Variants in TANC2 observed in about 807,000 individuals in gnomAD.
The protein encoded by TANC2 is tetratricopeptide repeat, ankyrin repeat and coiled-coil containing 2.
In TANC2, 26 loss-of-function variants were observed where a neutral mutation model predicts 210.5. That is an observed-to-expected ratio of 0.12 (90% CI 0.09 to 0.17). The LOEUF (loss-of-function observed/expected upper bound fraction) is 0.17. Among genes scored for constraint, TANC2 ranks in the 10% least tolerant of loss-of-function variants. The pLI is 1.00. For synonymous variants in TANC2, 931 were observed against 967.1 expected (o/e 0.96, Z 0.69); for missense variants, 2,129 against 2,608.9 (o/e 0.82, Z 4.01).
At chr17:63,293,707 C>G (rs561167688) in intron 9 of TANC2, among the ~76,000 whole-genome samples, 1 of 152,158 alleles carries the variant, frequency 6.6e-6, no homozygotes, top group South Asian at 2.1e-4. Context: ...TAAAGGTTTA[C>G]ACTTTGCCTT....
At chr17:63,028,142 T>C (rs2034630685) in intron 2 of TANC2, among the ~76,000 whole-genome samples, 2 of 152,128 alleles carry the variant, frequency 1.3e-5, no homozygotes. Context: ...TGGTCATGTC[T>C]GTAAACCAAG....
chr17:63,370,201 CAG>C (rs1258463835), intron 14 of TANC2, among the ~76,000 whole-genome samples: 1 of 132,038 alleles, frequency 7.6e-6, no homozygotes, highest in East Asian at 2.2e-4. Context: ...TTTTTTGAGA[CAG>C]AGTCTCTCTC....
intron 1 of TANC2, among the ~76,000 whole-genome samples, chr17:62,990,033 T>A (rs1471768967): frequency 6.6e-6 from 1 of 152,064 alleles, no homozygotes; most frequent in East Asian, 1.9e-4. Flanking sequence ...TGTCTCGGCC[T>A]CCCAAAGTGC....
chr17:63,285,550 C>T (rs771288530), intron 9 of TANC2, among the ~76,000 whole-genome samples: 5 of 152,140 alleles, frequency 3.3e-5, no homozygotes, highest in Non-Finnish European at 7.4e-5. Context: ...AACATATAGT[C>T]ATTCCCACAG....
intron 1 of TANC2, among the ~76,000 whole-genome samples, chr17:62,980,712 C>T (rs1332778370): frequency 6.6e-6 from 1 of 152,166 alleles, no homozygotes; most frequent in Non-Finnish European, 1.5e-5. Flanking sequence ...AGGACTCACT[C>T]CCAGAGATTC....
chr17:63,267,006 C>A (rs950438830), intron 8 of TANC2, among the ~76,000 whole-genome samples: 2 of 151,984 alleles, frequency 1.3e-5, no homozygotes, highest in African/African-American at 4.8e-5. Context: ...CACACCACCA[C>A]GCCTGGCTAA....
chr17:63,352,810 T>C (rs1018954197), intron 13 of TANC2, among the ~76,000 whole-genome samples: 5 of 151,552 alleles, frequency 3.3e-5, no homozygotes, highest in African/African-American at 1.2e-4. Flanking sequence ...TCCACAAACA[T>C]TTCTTAAGAG....
chr17:63,048,846 A>G (rs1456574945), intron 2 of TANC2, among the ~76,000 whole-genome samples: 2 of 152,140 alleles, frequency 1.3e-5, no homozygotes, highest in African/African-American at 4.8e-5. Context: ...ATAACTATTG[A>G]GTACTAGCCT....
intron 4 of TANC2, among the ~76,000 whole-genome samples, chr17:63,110,938 T>C (rs2038016319): frequency 6.6e-6 from 1 of 152,232 alleles, no homozygotes; most frequent in African/African-American, 2.4e-5. Flanking sequence ...CTTGGCCGTG[T>C]CACTTGACTA....
chr17:63,280,048 T>C (rs2044013540), intron 9 of TANC2, among the ~76,000 whole-genome samples: 1 of 152,106 alleles, frequency 6.6e-6, no homozygotes, highest in Admixed American at 6.6e-5. Context: ...AATTCTCATA[T>C]GTTTAAAATC....
intron 5 of TANC2, among the ~76,000 whole-genome samples, chr17:63,172,071 G>A (rs574190261): frequency 2.6e-5 from 4 of 152,038 alleles, no homozygotes; most frequent in South Asian, 2.1e-4. Context: ...GCCTTATCTC[G>A]TCCCTAACCA....
intron 7 of TANC2, among the ~76,000 whole-genome samples, chr17:63,220,780 GTATGTGTA>G (rs1281813451): frequency 2.1e-5 from 3 of 145,242 alleles, no homozygotes; most frequent in African/African-American, 7.6e-5. Flanking sequence ...ATATATACAT[GTATGTGTA>G]TATATGTATA....
chr17:63,226,796 C>T (rs1482716407), intron 7 of TANC2, among the ~76,000 whole-genome samples: 4 of 152,112 alleles, frequency 2.6e-5, no homozygotes, highest in African/African-American at 4.8e-5. Context: ...TGTTCCCCTC[C>T]TTGTGTCCAT....
chr17:62,979,905 CCT>C (rs892536302), intron 1 of TANC2, among the ~76,000 whole-genome samples: 8 of 152,124 alleles, frequency 5.3e-5, no homozygotes, highest in Non-Finnish European at 1.0e-4. Flanking sequence ...AGAGTGAGAC[CCT>C]GTCTCAAATA....
chr17:63,361,889 C>T lies in TANC2; in HGVS notation c.2582+6499C>T, dbSNP rs568649557. On this transcript the variant is annotated intron_variant, in intron 14 of 27. Coordinates refer to ENST00000689528, the Ensembl canonical transcript of TANC2. ...AGCTCCTTTCCACAAGCAGGTCATC[C>T]CTGCAAGTGTCCAGTTCTCACCAGA... 4.6e-5 allele frequency among the ~76,000 whole-genome samples: 7 copies of T among 152,348 alleles called. No individual in the cohort carries two copies. In the South Asian group the frequency reaches 1.0e-3, roughly 23 times the overall value.
intron 12 of TANC2, among the ~76,000 whole-genome samples, chr17:63,340,651 C>T (rs561862737): frequency 3.3e-5 from 5 of 152,236 alleles, no homozygotes; most frequent in South Asian, 2.1e-4. Flanking sequence ...GTGGCTCCAA[C>T]GCAGTGTTGT....
At chr17:63,258,686 C>G (rs1260010265) in intron 8 of TANC2, among the ~76,000 whole-genome samples, 1 of 151,840 alleles carries the variant, frequency 6.6e-6, no homozygotes, top group African/African-American at 2.4e-5. Context: ...GCTCTTCATT[C>G]AGCTTGTGGT....
chr17:63,091,970 A>G (rs924410710), intron 3 of TANC2, among the ~76,000 whole-genome samples: 2 of 152,088 alleles, frequency 1.3e-5, no homozygotes, highest in African/African-American at 4.8e-5. Flanking sequence ...TTCTCTTTGT[A>G]GCAATTGTGA....
At chr17:63,140,871 C>T (rs1000458948) in intron 4 of TANC2, among the ~76,000 whole-genome samples, 20 of 152,118 alleles carry the variant, frequency 1.3e-4, no homozygotes, top group South Asian at 1.2e-3. Flanking sequence ...TGCAGCCTCC[C>T]GAGTAGCTGG....
Sources: gnomAD v4.1 joint callset for allele counts (sites outside exome capture counted in the v4.1 genomes callset) on GRCh38, gnomAD v4.1.1 for gene constraint, MANE v1.5 for transcripts, NCBI Gene and HGNC (gene_info 2026-07-23, HGNC 2026-07-21) for gene names.